INTS6: variants seen among roughly 807,000 people sequenced by gnomAD.
INTS6 encodes DEAD box protein.
Under a neutral mutation model 104.9 loss-of-function variants are expected in INTS6, and 16 were observed. The observed-to-expected ratio is 0.15, with a 90% CI of 0.10 to 0.23. The LOEUF (loss-of-function observed/expected upper bound fraction) is 0.23, where lower values mean the gene tolerates loss of function less well. Ranked by LOEUF, INTS6 falls within the 10% of genes least tolerant of loss-of-function variation. The pLI is 1.00. For synonymous variants in INTS6, 324 were observed against 358.7 expected, an observed-to-expected ratio of 0.90 and a Z score of 1.09; for missense variants, 584 against 1,062.8, an observed-to-expected ratio of 0.55 and a Z score of 6.26.
chr13:51,357,158 T>C (rs1014980229), downstream of INTS6, among the ~76,000 whole-genome samples: 2 of 152,220 alleles, frequency 1.3e-5, no homozygotes, highest in East Asian at 1.9e-4. Flanking sequence ...CGGCCCTTTA[T>C]AGAAAAAGAT....
intron 4 of INTS6, among the ~76,000 whole-genome samples, chr13:51,424,955 C>T (rs1272258602): frequency 3.3e-5 from 5 of 151,882 alleles, no homozygotes; most frequent in Non-Finnish European, 7.4e-5. Flanking sequence ...TAAAAGTATA[C>T]AATGAAATCA....
intron 4 of INTS6, chr13:51,421,444 G>A (rs1176832009): frequency 7.1e-6 from 2 of 281,122 alleles, no homozygotes; most frequent in Non-Finnish European, 1.1e-5. Context: ...AAACAGCCTT[G>A]TCTAGATCAA....
chr13:51,440,916 T>C (rs1486347157), intron 3 of INTS6: 1 of 152,240 alleles, frequency 6.6e-6, no homozygotes, highest in Admixed American at 6.5e-5. Context: ...ACAACCTTAA[T>C]TCTGTTTTTG....
intron 12 of INTS6, 56 bp from the exon 13 acceptor site, chr13:51,376,230 C>T: frequency 7.1e-7 from 1 of 1,407,646 alleles, no homozygotes; most frequent in Non-Finnish European, 9.7e-7. Context: ...TTACAAGAGA[C>T]TAAAATCTCT....
intron 7 of INTS6, chr13:51,385,343 T>C (rs1956124271): frequency 6.6e-6 from 1 of 152,112 alleles, no homozygotes; most frequent in Non-Finnish European, 1.5e-5. Flanking sequence ...CATAGATGGG[T>C]AATGTTCAGA....
chr13:51,404,855 T>C (rs1956530531), intron 4 of INTS6, among the ~76,000 whole-genome samples: 2 of 151,998 alleles, frequency 1.3e-5, no homozygotes, highest in Admixed American at 6.6e-5. Flanking sequence ...GTGGGGACTT[T>C]TAAAAAAAAT....
intron 3 of INTS6, chr13:51,439,819 T>C (rs1952760159): frequency 6.6e-6 from 1 of 152,240 alleles, no homozygotes; most frequent in South Asian, 2.1e-4. Flanking sequence ...TTTTGGCCAA[T>C]GACAGACCAC....
At chr13:51,344,112 C>A in the INTS6 span, 2 of 658,706 alleles carry the variant, frequency 3.0e-6, no homozygotes, top group Non-Finnish European at 5.4e-6. Flanking sequence ...CTTTTTCAAA[C>A]TGGCTTTGTA....
At chr13:51,432,698 T>A (rs1328126291) in intron 3 of INTS6, among the ~76,000 whole-genome samples, 1 of 152,182 alleles carries the variant, frequency 6.6e-6, no homozygotes, top group Non-Finnish European at 1.5e-5. Flanking sequence ...TTTACCTCAA[T>A]ATAAATGTGT....
the INTS6 span, among the ~76,000 whole-genome samples, chr13:51,334,982 CAAAAAAAAAAA>C: frequency 1.4e-5 from 1 of 70,810 alleles, no homozygotes; most frequent in Non-Finnish European, 2.8e-5. Context: ...GACTCCGTCT[CAAAAAAAAAAA>C]AAAAAAAAAA....
chr13:51,451,400 A>C (rs970294788), intron 2 of INTS6: 4 of 320,582 alleles, frequency 1.2e-5, no homozygotes, highest in Non-Finnish European at 2.2e-5. Flanking sequence ...ATACTTTATA[A>C]CTTCACTGAC....
At position 51,434,538 on chromosome 13, in the gene INTS6, G is replaced by T. The variant is rs577233907; in HGVS notation, c.340-4155C>A. Among the ~76,000 whole-genome samples, 6 of 152,094 alleles carry T rather than the reference G, an allele frequency of 3.9e-5. No individual in the cohort carries two copies. The South Asian group carries it at 1.2e-3, about 32-fold the overall frequency. On this transcript the variant is annotated intron_variant, in intron 3 of 17. Transcript: ENST00000311234. ...AGAGCTTAGTCAAGAATCACACTAA[G>T]AAAAGCAATAATCAGTTACTACAAA...
intron 4 of INTS6, among the ~76,000 whole-genome samples, chr13:51,417,294 G>A (rs1956805169): frequency 6.6e-6 from 1 of 152,106 alleles, no homozygotes; most frequent in Admixed American, 6.5e-5. Context: ...TCCTAGGTCA[G>A]GAAGATTAAG....
chr13:51,431,408 T>C (rs995407871), intron 3 of INTS6, among the ~76,000 whole-genome samples: 1 of 152,148 alleles, frequency 6.6e-6, no homozygotes, highest in African/African-American at 2.4e-5. Flanking sequence ...TGATTATGTC[T>C]GGGATGAAGA....
intron 3 of INTS6, chr13:51,450,724 AG>A: frequency 9.7e-7 from 1 of 1,028,374 alleles, no homozygotes; most frequent in Non-Finnish European, 1.2e-6. Flanking sequence ...GTGGTGTGGT[AG>A]GATGCTTTTC....
rs1955457398 is a variant in INTS6, at chr13:51,354,980, G to GGT, written n.431-646_431-645dup. 5.1e-6 allele frequency: 4 copies of GGT among 786,028 alleles called. No homozygotes were observed. The South Asian group carries it at 6.4e-5, about 13-fold the overall frequency. The allele number at this position is 786,028 out of a possible 1,614,324, so 48.7% of individuals were successfully genotyped here. A position where few individuals can be genotyped will look rare whatever the true frequency, so the allele number is the denominator to read the frequency against. Reference sequence around the variant, plus strand: ...AAGTTAGGGATTTTGGACTTCATGTGGTGTGTATGAAAGTATATTGAGTGA... The same window carrying GGT: ...AAGTTAGGGATTTTGGACTTCATGTGGTGTGTGTATGAAAGTATATTGAGTGA... On this transcript the variant is annotated intron_variant and non_coding_transcript_variant, in intron 3 of 3. Coordinates refer to the INTS6 transcript ENST00000476666.
intron 4 of INTS6, among the ~76,000 whole-genome samples, chr13:51,407,507 A>C (rs528979168): frequency 6.6e-6 from 1 of 152,328 alleles, no homozygotes; most frequent in African/African-American, 2.4e-5. Flanking sequence ...ATTGATAACA[A>C]AAATAATAGG....
downstream of INTS6, among the ~76,000 whole-genome samples, chr13:51,360,337 T>A (rs1955553301): frequency 1.3e-5 from 2 of 151,946 alleles, no homozygotes; most frequent in Non-Finnish European, 2.9e-5. Context: ...AGGGGTGGGA[T>A]GGGAGTGGGC....
rs147055973 is a variant in INTS6 at position 51,396,860 on chromosome 13, C to T, written c.430-1377G>A. ...AAAACTGTTATAAAAGAGGCAAAAG[C>T]GAAGATTTTTGAGACAATCAGGAAA... On this transcript the variant is annotated intron_variant, in intron 4 of 17. Coordinates refer to ENST00000311234, the MANE Select transcript of INTS6 (RefSeq NM_012141.3). Among the ~76,000 whole-genome samples the T allele has an allele frequency of 6.1e-3, 922 of 152,090 alleles. 32 individuals are homozygous for T. The highest frequency in any genetic ancestry group is 0.051 in the Admixed American group (773 of 15,284).
Sources: allele counts gnomAD v4.1 joint callset (sites outside exome capture counted in the v4.1 genomes callset), GRCh38; gene constraint gnomAD v4.1.1; transcripts MANE v1.5; gene names NCBI Gene and HGNC (gene_info 2026-07-23, HGNC 2026-07-21).